AP3B1: variants seen among roughly 807,000 people sequenced by gnomAD.
AP3B1 encodes the protein adaptor related protein complex 3 subunit beta 1, also known as AP-3 complex subunit beta-1.
A neutral mutation model predicts 132.5 loss-of-function variants in AP3B1; 61 were observed. That is an observed-to-expected ratio of 0.46 (90% CI 0.37 to 0.57). The LOEUF (loss-of-function observed/expected upper bound fraction) is 0.57. AP3B1 is among the 20% of genes least tolerant of loss of function. AP3B1 has a pLI of 0.00. For synonymous variants in AP3B1, 388 were observed against 438.3 expected (o/e 0.89, Z 1.43); for missense variants, 1,120 against 1,289.4 (o/e 0.87, Z 2.01).
At chr5:78,227,247 C>G in intron 5 of AP3B1, 125 bp downstream of exon 5, 1 of 923,326 alleles carries the variant, frequency 1.1e-6, no homozygotes, top group Non-Finnish European at 1.7e-6. Flanking sequence ...TACCATCATA[C>G]AGTCACTGGA....
At chr5:78,210,981 C>T (rs1216110230) in intron 7 of AP3B1, among the ~76,000 whole-genome samples, 1 of 151,850 alleles carries the variant, frequency 6.6e-6, no homozygotes, top group African/African-American at 2.4e-5. Flanking sequence ...ACAAACTTGA[C>T]CTAGAATAAA....
chr5:78,078,035 G>C (rs1749833320), intron 22 of AP3B1, among the ~76,000 whole-genome samples: 1 of 152,100 alleles, frequency 6.6e-6, no homozygotes, highest in Admixed American at 6.5e-5. Flanking sequence ...CCCATAACCT[G>C]ATGGCTTTAG....
At chr5:78,224,630 T>C (rs1746328322) in intron 6 of AP3B1, among the ~76,000 whole-genome samples, 1 of 151,426 alleles carries the variant, frequency 6.6e-6, no homozygotes, top group Non-Finnish European at 1.5e-5. Flanking sequence ...GATGCAAAAA[T>C]ATAAACAGGC....
At chr5:78,050,330 C>T (rs1748525513) in intron 22 of AP3B1, among the ~76,000 whole-genome samples, 2 of 152,156 alleles carry the variant, frequency 1.3e-5, no homozygotes, top group African/African-American at 4.8e-5. Flanking sequence ...CTACTTCCCA[C>T]TTTTATGCTC....
chr5:78,192,368 C>T (rs920819846), intron 7 of AP3B1, among the ~76,000 whole-genome samples: 4 of 151,824 alleles, frequency 2.6e-5, no homozygotes, highest in African/African-American at 7.3e-5. Context: ...CTAGGCCAGG[C>T]GCAGTGGCTC....
At chr5:78,215,966 G>C in intron 7 of AP3B1, 89 bp downstream of exon 7, 1 of 1,265,306 alleles carries the variant, frequency 7.9e-7, no homozygotes, top group Non-Finnish European at 1.2e-6. Flanking sequence ...GATTTCTCTA[G>C]TTTACTACTC....
At chr5:78,201,065 A>G (rs1188288416) in intron 7 of AP3B1, among the ~76,000 whole-genome samples, 1 of 152,166 alleles carries the variant, frequency 6.6e-6, no homozygotes, top group Non-Finnish European at 1.5e-5. Context: ...GCCACCTGTA[A>G]GCAAAGGACA....
intron 20 of AP3B1, among the ~76,000 whole-genome samples, chr5:78,102,857 G>A (rs1751185883): frequency 6.6e-6 from 1 of 152,114 alleles, no homozygotes; most frequent in Admixed American, 6.5e-5. Flanking sequence ...AGCCAAGAGT[G>A]TGTAACAATA....
Position 78,020,681 on chromosome 5 carries a change from A to G in AP3B1, c.2992+11T>C, listed in dbSNP as rs570567595. On this transcript the variant is annotated intron_variant, in intron 25 of 26. Transcript: ENST00000255194. ...TATGTAAATTTCTAGTAAGTTGTAG[A>G]CATCTCTCACCTTGCTCTTTCTTAA... The G allele has an allele frequency of 6.3e-7, 1 of 1,591,646 alleles. No homozygotes were observed. Among genetic ancestry groups the G allele is most frequent in the Non-Finnish European group, 8.6e-7 (1 of 1,160,366 alleles).
chr5:78,140,434 G>A (rs1330286060), intron 15 of AP3B1, among the ~76,000 whole-genome samples: 1 of 152,120 alleles, frequency 6.6e-6, no homozygotes, highest in Non-Finnish European at 1.5e-5. Flanking sequence ...CAGTTCTGGA[G>A]GCTGGGAAAT....
In AP3B1 at chr5:78,294,572, C is replaced by G. The variant is rs1437057161; in HGVS notation, c.8G>C (p.Ser3Thr). The part of the protein sequence containing the change: MS[S>T]NSFPYNEQSG... ...CTGCTCATTGTAAGGAAAACTATTGCTGGACATTGCCGCGGTGCTGGCGGG... is the reference window on the plus strand; with the variant it reads ...CTGCTCATTGTAAGGAAAACTATTGGTGGACATTGCCGCGGTGCTGGCGGG... Residue 3 changes from serine (S) to threonine (T), a missense_variant, in exon 1 of 27, where the codon AGC becomes ACC. Ser to Thr is a moderately conservative substitution (Grantham distance 58, BLOSUM62 1). Transcript: ENST00000255194. 5.0e-6 allele frequency: 8 copies of G among 1,614,142 alleles called. No individual in the cohort carries two copies. In the East Asian group the frequency reaches 1.3e-4, roughly 27 times the overall value.
At chr5:78,117,461 C>G (rs1188476973) in intron 17 of AP3B1, among the ~76,000 whole-genome samples, 1 of 151,902 alleles carries the variant, frequency 6.6e-6, no homozygotes, top group Non-Finnish European at 1.5e-5. Flanking sequence ...AGGCACCCAC[C>G]ACCACGCCCA....
chr5:78,055,059 T>G (rs1486001555), intron 22 of AP3B1, among the ~76,000 whole-genome samples: 1 of 131,744 alleles, frequency 7.6e-6, no homozygotes, highest in Non-Finnish European at 1.6e-5. Context: ...ACACACACAC[T>G]TACTTATATA....
At chr5:78,036,396 A>C (rs922831060) in intron 23 of AP3B1, among the ~76,000 whole-genome samples, 3 of 152,206 alleles carry the variant, frequency 2.0e-5, no homozygotes, top group African/African-American at 7.2e-5. Context: ...GCTATGTAGA[A>C]GTGGCTGAAA....
At chr5:78,005,155 GT>G (rs982041861) in intron 26 of AP3B1, among the ~76,000 whole-genome samples, 1 of 152,268 alleles carries the variant, frequency 6.6e-6, no homozygotes, top group African/African-American at 2.4e-5. Context: ...CGGTCATCAC[GT>G]GTGTAATTCA....
At chr5:78,118,877 T>G (rs966312709) in intron 17 of AP3B1, among the ~76,000 whole-genome samples, 1 of 152,144 alleles carries the variant, frequency 6.6e-6, no homozygotes, top group Non-Finnish European at 1.5e-5. Context: ...GACTGCCTCC[T>G]CAAGTGGGTC....
intron 7 of AP3B1, among the ~76,000 whole-genome samples, chr5:78,189,705 A>G (rs997441499): frequency 6.6e-6 from 1 of 151,830 alleles, no homozygotes; most frequent in African/African-American, 2.4e-5. Flanking sequence ...CCCCATCTCT[A>G]CTGAAAATAC....
intron 1 of AP3B1, 90 bp downstream of exon 1, chr5:78,294,362 G>A: frequency 1.9e-6 from 3 of 1,593,296 alleles, no homozygotes; most frequent in Non-Finnish European, 2.6e-6. Flanking sequence ...GGGCGACCCC[G>A]CTCCTCTCCA....
intron 14 of AP3B1, among the ~76,000 whole-genome samples, chr5:78,142,157 T>A (rs1037549594): frequency 1.3e-5 from 2 of 152,252 alleles, no homozygotes; most frequent in Non-Finnish European, 2.9e-5. Flanking sequence ...ATTTTGGCAC[T>A]ATATTTTTAA....
Sources: allele counts gnomAD v4.1 joint callset (sites outside exome capture counted in the v4.1 genomes callset), GRCh38; gene constraint gnomAD v4.1.1; transcripts MANE v1.5; gene names NCBI Gene and HGNC (gene_info 2026-07-23, HGNC 2026-07-21).